Variants in CLVS1 observed in about 807,000 individuals in gnomAD.
CLVS1 encodes clavesin 1.
In CLVS1, 10 loss-of-function variants were observed where a neutral mutation model predicts 33.1. The ratio of observed to expected loss-of-function variants is 0.30; its 90% CI spans 0.19 to 0.51. The LOEUF (loss-of-function observed/expected upper bound fraction) is 0.51. Among genes scored for constraint, CLVS1 ranks in the 20% least tolerant of loss-of-function variants. The pLI, the probability that CLVS1 is intolerant of heterozygous loss-of-function variation, is 0.97. For synonymous variants in CLVS1, 163 were observed against 166.1 expected (o/e 0.98, Z 0.14); for missense variants, 343 against 433.4 (o/e 0.79, Z 1.85).
intron 3 of CLVS1, among the ~76,000 whole-genome samples, chr8:61,407,938 T>C (rs1344411274): frequency 6.6e-6 from 1 of 152,204 alleles, no homozygotes; most frequent in Non-Finnish European, 1.5e-5. Context: ...TGAGGATTTG[T>C]TAAGTGTTTT....
intron 2 of CLVS1, among the ~76,000 whole-genome samples, chr8:61,150,317 G>A (rs1480946730): frequency 6.6e-6 from 1 of 152,186 alleles, no homozygotes; most frequent in Non-Finnish European, 1.5e-5. Flanking sequence ...GCTACACAGA[G>A]AGCCAGGGGC....
chr8:61,112,191 C>T (rs950874906), intron 1 of CLVS1, among the ~76,000 whole-genome samples: 27 of 126,822 alleles, frequency 2.1e-4, no homozygotes, highest in African/African-American at 9.6e-4. Flanking sequence ...CACACACACA[C>T]ACACACACAC....
intron 2 of CLVS1, among the ~76,000 whole-genome samples, chr8:61,229,853 C>T (rs1808395411): frequency 6.6e-6 from 1 of 152,180 alleles, no homozygotes. Context: ...TCTCAAACTC[C>T]TGACCTCAAG....
intron 2 of CLVS1, among the ~76,000 whole-genome samples, chr8:61,273,696 C>T (rs113240456): frequency 2.6e-4 from 40 of 152,280 alleles, no homozygotes; most frequent in African/African-American, 8.4e-4. Flanking sequence ...TCTCGTGGTG[C>T]GCCGTGTTTT....
chr8:61,070,890 C>CAA (rs1804782125), intron 1 of CLVS1, among the ~76,000 whole-genome samples: 1 of 152,208 alleles, frequency 6.6e-6, no homozygotes, highest in Non-Finnish European at 1.5e-5. Context: ...CTATGAGTCT[C>CAA]AAACAGTGTT....
At chr8:61,083,193 G>A (rs921081060) in intron 1 of CLVS1, among the ~76,000 whole-genome samples, 3 of 152,152 alleles carry the variant, frequency 2.0e-5, no homozygotes, top group African/African-American at 7.2e-5. Context: ...AAGGGAGAGT[G>A]TAACACTGGA....
chr8:61,259,251 C>T (rs1315468019), intron 2 of CLVS1, among the ~76,000 whole-genome samples: 2 of 152,164 alleles, frequency 1.3e-5, no homozygotes, highest in Non-Finnish European at 2.9e-5. Context: ...TTCCATTTGG[C>T]TGAGGGCTGA....
chr8:61,009,193 T>C, the CLVS1 span, among the ~76,000 whole-genome samples: 1 of 151,868 alleles, frequency 6.6e-6, no homozygotes, highest in Non-Finnish European at 1.5e-5. Flanking sequence ...TTTTCTGAGA[T>C]AGAGTCTCAT....
In CLVS1 at chr8:61,241,708, C is replaced by T. The variant is rs142624393; in HGVS notation, c.-151-57969C>T. Among the ~76,000 whole-genome samples the T allele has an allele frequency of 1.6e-4, 25 of 152,238 alleles. No homozygotes were observed. The East Asian group carries it at 1.9e-3, about 12-fold the overall frequency. ...TGCTTTAAAATGAGCGTATATCATA[C>T]GAAAGAGGAAAACCAACATTTATGA... On this transcript the variant is annotated intron_variant, in intron 2 of 2. Coordinates refer to the CLVS1 transcript ENST00000522621.
At chr8:61,079,000 T>C (rs1804974330) in intron 1 of CLVS1, among the ~76,000 whole-genome samples, 1 of 151,904 alleles carries the variant, frequency 6.6e-6, no homozygotes, top group African/African-American at 2.4e-5. Flanking sequence ...GAGAAAAAAA[T>C]AGGTAGAAAT....
the CLVS1 span, among the ~76,000 whole-genome samples, chr8:61,032,992 G>GGAAGGAAAGAAAGAAA: frequency 2.2e-5 from 1 of 44,804 alleles, no homozygotes; most frequent in African/African-American, 9.2e-5. Flanking sequence ...AAGGAAGGAA[G>GGAAGGAAAGAAAGAAA]GAAAGAAAGA....
chr8:61,232,041 T>TTTTTTTTTTGTTTTGTTTTG (rs1808455624), intron 2 of CLVS1, among the ~76,000 whole-genome samples: 3 of 116,004 alleles, frequency 2.6e-5, no homozygotes, highest in Non-Finnish European at 3.2e-5. Flanking sequence ...TTTTTTTTTT[T>TTTTTTTTTTGTTTTGTTTTG]TTTTTTTTTG....
chr8:61,458,522 C>T lies in CLVS1; in HGVS notation c.957C>T (p.Cys319=). The T allele has an allele frequency of 6.2e-7, 1 of 1,608,548 alleles. No homozygotes were observed. The highest frequency in any genetic ancestry group is 8.5e-7 in the Non-Finnish European group (1 of 1,177,074). Residue 319 remains cysteine, a synonymous_variant, in exon 5 of 6, where the codon TGC becomes TGT. Transcript: ENST00000325897. ...CGTCCTCGAATCTGGAGAGAGAATG[C>T]TCACCCAAGCTGATGAAAAGGTAAG... The part of the protein sequence containing the change: ...KHTSSNLERE[C]SPKLMKRSQS...
intron 1 of CLVS1, among the ~76,000 whole-genome samples, chr8:61,113,930 G>A (rs1805672920): frequency 1.3e-5 from 2 of 152,186 alleles, no homozygotes; most frequent in Non-Finnish European, 2.9e-5. Flanking sequence ...ACTGCACCTG[G>A]CCCTGGGTAT....
At chr8:61,285,573 A>G (rs1809759779), upstream of CLVS1, among the ~76,000 whole-genome samples, 1 of 152,142 alleles carries the variant, frequency 6.6e-6, no homozygotes, top group Non-Finnish European at 1.5e-5. Flanking sequence ...AGCATCTTTT[A>G]TGCTGCCTGA....
At chr8:61,440,029 C>T (rs1454416068) in intron 3 of CLVS1, among the ~76,000 whole-genome samples, 1 of 152,214 alleles carries the variant, frequency 6.6e-6, no homozygotes, top group Non-Finnish European at 1.5e-5. Flanking sequence ...TTTATTAGCT[C>T]TTCCCTAAGG....
intron 2 of CLVS1, among the ~76,000 whole-genome samples, chr8:61,327,666 G>A (rs150525512): frequency 1.0e-3 from 155 of 152,276 alleles, no homozygotes; most frequent in African/African-American, 3.5e-3. Context: ...GTGTTCAAAT[G>A]CATTTTTCTC....
At chr8:61,120,617 T>C (rs1805837222) in intron 1 of CLVS1, among the ~76,000 whole-genome samples, 2 of 123,566 alleles carry the variant, frequency 1.6e-5, no homozygotes, top group African/African-American at 7.0e-5. Flanking sequence ...TGCAGGTCTG[T>C]TGGAATACCC....
chr8:61,131,529 G>A (rs1306961352), intron 1 of CLVS1, among the ~76,000 whole-genome samples: 1 of 152,168 alleles, frequency 6.6e-6, no homozygotes, highest in Non-Finnish European at 1.5e-5. Context: ...GGAAGGTAGG[G>A]AAGAAAAGGG....
Sources: gnomAD v4.1 joint callset for allele counts (sites outside exome capture counted in the v4.1 genomes callset) on GRCh38, gnomAD v4.1.1 for gene constraint, MANE v1.5 for transcripts, NCBI Gene and HGNC (gene_info 2026-07-23, HGNC 2026-07-21) for gene names.